MAST4: variants seen among roughly 807,000 people sequenced by gnomAD.
The protein encoded by MAST4 is microtubule associated serine/threonine kinase family member 4, also known as microtubule-associated serine/threonine-protein kinase 4.
In MAST4, 89 loss-of-function variants were observed where a neutral mutation model predicts 162.7. The observed-to-expected ratio is 0.55, with a 90% CI of 0.46 to 0.65. The LOEUF is 0.65. MAST4 is among the 30% of genes least tolerant of loss of function. MAST4 has a pLI of 0.00. For synonymous variants in MAST4, 1,479 were observed against 1,361.1 expected, an observed-to-expected ratio of 1.09 and a Z score of -1.91; for missense variants, 3,153 against 3,374.0, an observed-to-expected ratio of 0.93 and a Z score of 1.62.
chr5:66,952,585 G>C (rs1744836058), intron 4 of MAST4, among the ~76,000 whole-genome samples: 2 of 151,932 alleles, frequency 1.3e-5, no homozygotes, highest in Admixed American at 1.3e-4. Context: ...CAATCCTTGA[G>C]ACCCAAACTT....
intron 5 of MAST4, among the ~76,000 whole-genome samples, chr5:67,077,388 A>G (rs1039668764): frequency 6.6e-6 from 1 of 152,152 alleles, no homozygotes; most frequent in Non-Finnish European, 1.5e-5. Context: ...GCCAAGGTTA[A>G]GATCACTGTT....
chr5:67,007,355 C>T (rs1391369734), intron 4 of MAST4, among the ~76,000 whole-genome samples: 5 of 152,172 alleles, frequency 3.3e-5, no homozygotes, highest in African/African-American at 7.2e-5. Context: ...TTGCCATCCT[C>T]GATAAGGGTG....
At chr5:67,120,936 C>T (rs2254790) in intron 13 of MAST4, 81 bp from the exon 14 acceptor site, 1 of 1,013,792 alleles carries the variant, frequency 9.9e-7, no homozygotes, top group Non-Finnish European at 1.5e-6. Context: ...ACAGCATGTC[C>T]TTCAAATATT....
At chr5:66,794,167 A>G (rs1755544589) in intron 3 of MAST4, among the ~76,000 whole-genome samples, 1 of 152,246 alleles carries the variant, frequency 6.6e-6, no homozygotes, top group Non-Finnish European at 1.5e-5. Flanking sequence ...CCAGAGAGAA[A>G]TTAGTTATGG....
chr5:66,819,876 T>C (rs1382610820), intron 3 of MAST4, among the ~76,000 whole-genome samples: 1 of 151,618 alleles, frequency 6.6e-6, no homozygotes, highest in Non-Finnish European at 1.5e-5. Context: ...CAGGCTCAAT[T>C]GATCCTCCCA....
At chr5:67,019,468 T>A (rs1393041176) in intron 4 of MAST4, among the ~76,000 whole-genome samples, 1 of 152,204 alleles carries the variant, frequency 6.6e-6, no homozygotes, top group African/African-American at 2.4e-5. Context: ...AACCTCAAGA[T>A]CTAAACTTTA....
chr5:66,863,994 CTG>C (rs1561393480), intron 3 of MAST4, among the ~76,000 whole-genome samples: 2 of 152,198 alleles, frequency 1.3e-5, no homozygotes, highest in South Asian at 2.1e-4. Context: ...GACTGAAACA[CTG>C]TGTGTGGTTG....
At chr5:67,071,859 G>T (rs908765966) in intron 5 of MAST4, among the ~76,000 whole-genome samples, 5 of 152,162 alleles carry the variant, frequency 3.3e-5, no homozygotes, top group Non-Finnish European at 7.4e-5. Context: ...ATAGGAAAAT[G>T]AAAGTTTAAA....
chr5:67,161,167 G>C (rs983253186), intron 27 of MAST4, among the ~76,000 whole-genome samples: 1 of 152,168 alleles, frequency 6.6e-6, no homozygotes, highest in Non-Finnish European at 1.5e-5. Flanking sequence ...TTCTGGCAGG[G>C]CTGTTTCTTG....
Position 67,166,435 on chromosome 5 carries a change from G to A in MAST4, c.7256G>A (p.Gly2419Glu), listed in dbSNP as rs1379673442. The change falls in exon 29 of 29, where the codon GGG becomes GAG. Residue 2419 changes from glycine to glutamate, a missense_variant. By Grantham distance (98) the Gly-to-Glu change is moderately conservative (BLOSUM62 -2). This residue lies in a region of MAST4 where 1,644 missense variants were observed against 1,495.0 expected (regional missense o/e 1.10). Coordinates refer to ENST00000403625, the MANE Select transcript of MAST4 (RefSeq NM_001164664.2). Reference sequence around the variant, plus strand: ...GGGAAGGGCTTCCCTGAGGCCAGAGGGAAAGGGCCCGGTCCCCAGAAGCCA... The same window carrying A: ...GGGAAGGGCTTCCCTGAGGCCAGAGAGAAAGGGCCCGGTCCCCAGAAGCCA... ...GVGKGFPEAR[G>E]KGPGPQKPPT... The A allele has an allele frequency of 1.9e-6, 3 of 1,604,590 alleles. No individual in the cohort carries two copies. The highest frequency in any genetic ancestry group is 1.7e-6 in the Non-Finnish European group (2 of 1,175,438).
chr5:66,907,158 C>T (rs368422780), intron 4 of MAST4, among the ~76,000 whole-genome samples: 1 of 104,262 alleles, frequency 9.6e-6, no homozygotes, highest in African/African-American at 3.8e-5. Flanking sequence ...CTCAGCAAAG[C>T]GAGAGAGAGA....
chr5:66,640,839 C>T (rs775834700), intron 1 of MAST4, among the ~76,000 whole-genome samples: 5 of 152,118 alleles, frequency 3.3e-5, no homozygotes, highest in Non-Finnish European at 7.4e-5. Context: ...ACTTTACAGT[C>T]CATTAGCAAT....
rs371467835 is a variant in MAST4, at chr5:67,121,042, G to A, written c.1685G>A (p.Arg562Gln). ...VSSSNASLKL[R>Q]RKPRESDFET... ...AGCTCTAATGCCTCCCTGAAACTTC[G>A]AAGGAAACCTCGGGAAAGTGATTTT... is the stretch of plus-strand genomic sequence containing the variant. The change falls in exon 14 of 29, where the codon CGA (arginine) becomes CAA (glutamine). Residue 562 changes from arginine (R) to glutamine (Q), a missense_variant. By Grantham distance (43) the Arg-to-Gln change is conservative. This residue lies in a region of MAST4 where 360 missense variants were observed against 450.0 expected (regional missense o/e 0.80). Coordinates refer to ENST00000403625, the MANE Select transcript of MAST4 (RefSeq NM_001164664.2). 2.4e-5 allele frequency: 39 copies of A among 1,611,046 alleles called. No individual in the cohort carries two copies. Among genetic ancestry groups the A allele is most frequent in the South Asian group, 4.4e-5 (4 of 90,202 alleles).
intron 3 of MAST4, among the ~76,000 whole-genome samples, chr5:66,877,159 C>T (rs570367822): frequency 5.3e-5 from 8 of 152,232 alleles, no homozygotes; most frequent in East Asian, 1.9e-4. Flanking sequence ...ACTCTCTCCT[C>T]TACACTTGGA....
intron 4 of MAST4, among the ~76,000 whole-genome samples, chr5:66,967,428 G>A (rs966792523): frequency 5.9e-5 from 9 of 152,098 alleles, no homozygotes; most frequent in Non-Finnish European, 1.2e-4. Flanking sequence ...TAGGACTTAC[G>A]TTTTGTTTAG....
chr5:66,907,587 CGTGTGTGTGTGTGTGTGTGT>C (rs59273615), intron 4 of MAST4, among the ~76,000 whole-genome samples: 37 of 144,238 alleles, frequency 2.6e-4, no homozygotes, highest in Admixed American at 6.8e-4. Flanking sequence ...TAGGTTGATG[CGTGTGTGTGTGTGTGTGTGT>C]GTGTGTGTGT....
In MAST4 at chr5:66,652,900, C is replaced by T. The variant is rs114517565; in HGVS notation, c.363+55882C>T. On this transcript the variant is annotated intron_variant, in intron 1 of 28. Coordinates refer to ENST00000403625, the MANE Select transcript of MAST4 (RefSeq NM_001164664.2). Reference sequence around the variant, plus strand: ...TTGCTTCTCCCCACTAAGTACCAACCTTGAACATTTGAATCACTGTGCTCT... The same window carrying T: ...TTGCTTCTCCCCACTAAGTACCAACTTTGAACATTTGAATCACTGTGCTCT... Among the ~76,000 whole-genome samples, 502 of 152,290 alleles carry T rather than the reference C, an allele frequency of 3.3e-3. 4 individuals are homozygous for T. The highest frequency in any genetic ancestry group is 0.011 in the African/African-American group (462 of 41,554).
intron 3 of MAST4, among the ~76,000 whole-genome samples, chr5:66,866,667 A>G (rs940012860): frequency 1.3e-5 from 2 of 152,246 alleles, no homozygotes; most frequent in African/African-American, 4.8e-5. Flanking sequence ...GATATAAACT[A>G]TCTCAGAGGT....
intron 1 of MAST4, among the ~76,000 whole-genome samples, chr5:66,741,794 G>A (rs1752489987): frequency 6.6e-6 from 1 of 152,078 alleles, no homozygotes; most frequent in African/African-American, 2.4e-5. Context: ...TCAGGGGATC[G>A]GTGTGCTTCA....
Sources: gnomAD v4.1 joint callset for allele counts (sites outside exome capture counted in the v4.1 genomes callset) on GRCh38, gnomAD v4.1.1 for gene constraint, gnomAD v4.1.1 regional missense constraint, MANE v1.5 for transcripts, NCBI Gene and HGNC (gene_info 2026-07-23, HGNC 2026-07-21) for gene names.